SLC12A1: variants seen among roughly 807,000 people sequenced by gnomAD.
SLC12A1 encodes Na-K-2Cl cotransporter.
In SLC12A1, 89 loss-of-function variants were observed where a neutral mutation model predicts 130.4. The ratio of observed to expected loss-of-function variants is 0.68; its 90% CI spans 0.58 to 0.81. The LOEUF (loss-of-function observed/expected upper bound fraction) is 0.81, where lower values mean the gene tolerates loss of function less well. Ranked by LOEUF, SLC12A1 falls within the 40% of genes least tolerant of loss-of-function variation. The pLI is 0.00. For synonymous variants in SLC12A1, 499 were observed against 460.0 expected (o/e 1.08, Z -1.09); for missense variants, 1,310 against 1,336.4 (o/e 0.98, Z 0.31).
In SLC12A1 at chr15:48,303,047, C is replaced by CT; in HGVS notation, c.*170dup. On this transcript the variant is annotated 3_prime_UTR_variant, in exon 27 of 27. Transcript: ENST00000380993. ...CATAATTTTTATCAGTTAATGCGAG[C>CT]TTTTTTTTCTCTTCTCAGCTTAAGG... The CT allele has an allele frequency of 4.3e-5, 22 of 509,300 alleles. No homozygotes were observed. The highest frequency in any genetic ancestry group is 9.1e-5 in the South Asian group (2 of 21,998). The allele number at this position is 509,300 out of a possible 1,614,324, so 31.5% of individuals were successfully genotyped here.
intron 19 of SLC12A1, among the ~76,000 whole-genome samples, chr15:48,272,373 TA>T (rs2041907119): frequency 6.6e-6 from 1 of 152,212 alleles, no homozygotes; most frequent in South Asian, 2.1e-4. Flanking sequence ...TTTCTTTGAA[TA>T]AAAGATTTTA....
At chr15:48,276,618 G>A (rs983890335) in intron 20 of SLC12A1, among the ~76,000 whole-genome samples, 4 of 152,146 alleles carry the variant, frequency 2.6e-5, no homozygotes, top group African/African-American at 9.7e-5. Context: ...TGGACTTCCG[G>A]CCTCCAGAAT....
At chr15:48,231,881 T>C (rs987844165) in intron 7 of SLC12A1, among the ~76,000 whole-genome samples, 1 of 152,030 alleles carries the variant, frequency 6.6e-6, no homozygotes, top group Non-Finnish European at 1.5e-5. Context: ...CAGGGTGGCG[T>C]ATGCCTGTAA....
chr15:48,302,736 C>T lies in SLC12A1; in HGVS notation c.3165-14C>T. 1.3e-6 allele frequency: 2 copies of T among 1,570,246 alleles called. No homozygotes were observed. Among genetic ancestry groups the T allele is most frequent in the African/African-American group, 1.4e-5 (1 of 72,930 alleles). Reference sequence around the variant, plus strand: ...TTTCACTTTCATTTTTAAATTTTTCCTTCATGTCATTAGGAGCCTTCCCGT... The same window carrying T: ...TTTCACTTTCATTTTTAAATTTTTCTTTCATGTCATTAGGAGCCTTCCCGT... On this transcript the variant is annotated splice_polypyrimidine_tract_variant and intron_variant, in intron 26 of 26. Transcript: ENST00000380993.
chr15:48,207,766 G>C lies in SLC12A1; in HGVS notation c.47G>C (p.Ser16Thr). The change falls in exon 2 of 27, where the codon AGT (serine) becomes ACT (threonine). Residue 16 changes from serine (S) to threonine (T), a missense_variant. By Grantham distance (58) the Ser-to-Thr change is moderately conservative (BLOSUM62 1). Transcript: ENST00000380993. ...SSNVFLDSVP[S>T]NTNRFQVSVI... ...AATGTATTTCTGGATTCAGTGCCCA[G>C]TAATACCAATCGCTTTCAAGTTAGT... 1 of 1,611,488 alleles carries C rather than the reference G, an allele frequency of 6.2e-7. No individual in the cohort carries two copies. Among genetic ancestry groups the C allele is most frequent in the Non-Finnish European group, 8.5e-7 (1 of 1,178,728 alleles).
intron 7 of SLC12A1, among the ~76,000 whole-genome samples, 153 bp downstream of exon 7, chr15:48,230,656 CA>C (rs969383153): frequency 6.6e-6 from 1 of 152,232 alleles, no homozygotes; most frequent in African/African-American, 2.4e-5. Context: ...ACCAAGCCTG[CA>C]AAGCACGAAG....
chr15:48,259,183 C>CTT lies in SLC12A1; in HGVS notation c.2043-10_2043-9dup. 5.2e-6 allele frequency: 8 copies of CTT among 1,529,214 alleles called. No homozygotes were observed. Among genetic ancestry groups the CTT allele is most frequent in the African/African-American group, 1.4e-5 (1 of 73,220 alleles). The allele number at this position is 1,529,214 out of a possible 1,614,324, so 94.7% of individuals were successfully genotyped here. A position where few individuals can be genotyped will look rare whatever the true frequency, so the allele number is the denominator to read the frequency against. Reference sequence around the variant, plus strand: ...TTCTTGCAGGGGCTCATTTTCACATCTTTTTTTTACTTCCAGGCCCCAGTG... The same window carrying CTT: ...TTCTTGCAGGGGCTCATTTTCACATCTTTTTTTTTTACTTCCAGGCCCCAGTG... On this transcript the variant is annotated splice_polypyrimidine_tract_variant and intron_variant, in intron 16 of 26. Transcript: ENST00000380993.
At chr15:48,259,430 A>C in intron 17 of SLC12A1, 119 bp downstream of exon 17, 1 of 740,800 alleles carries the variant, frequency 1.3e-6, no homozygotes, top group Non-Finnish European at 2.4e-6. Context: ...AGTTTATAGG[A>C]GAGCCCTCTA....
intron 16 of SLC12A1, among the ~76,000 whole-genome samples, chr15:48,256,131 G>A (rs2041704654): frequency 6.6e-6 from 1 of 152,136 alleles, no homozygotes; most frequent in African/African-American, 2.4e-5. Flanking sequence ...GCCCCTCATA[G>A]TGCCAGGTGT....
At chr15:48,288,568 A>T in intron 23 of SLC12A1, 52 bp downstream of exon 23, 1 of 852,546 alleles carries the variant, frequency 1.2e-6, no homozygotes, top group South Asian at 1.5e-5. Context: ...TTGTTGCTTT[A>T]ATGCTTTAAT....
intron 2 of SLC12A1, 28 bp from the exon 3 acceptor site, chr15:48,220,606 C>G (rs1434842762): frequency 1.2e-6 from 2 of 1,602,738 alleles, no homozygotes; most frequent in East Asian, 4.5e-5. Context: ...TGACCAACTA[C>G]TGTGTTTTTG....
chr15:48,279,724 T>C (rs1018224839), intron 20 of SLC12A1, among the ~76,000 whole-genome samples: 2 of 152,230 alleles, frequency 1.3e-5, no homozygotes, highest in African/African-American at 2.4e-5. Context: ...AATAAAGTGA[T>C]GGAACATGAT....
chr15:48,274,431 C>T (rs969326400), intron 19 of SLC12A1, 140 bp from the exon 20 acceptor site: 1 of 647,944 alleles, frequency 1.5e-6, no homozygotes. Context: ...CAAACAAATG[C>T]ATCAGCTCTT....
intron 10 of SLC12A1, among the ~76,000 whole-genome samples, chr15:48,241,820 A>C (rs956294899): frequency 2.6e-5 from 4 of 152,204 alleles, no homozygotes; most frequent in African/African-American, 9.7e-5. Context: ...GAGTAAAGCT[A>C]ATCAGGTTGT....
At chr15:48,244,618 T>C in intron 10 of SLC12A1, 135 bp from the exon 11 acceptor site, 2 of 800,954 alleles carry the variant, frequency 2.5e-6, no homozygotes, top group Non-Finnish European at 3.9e-6. Context: ...AGCCTCCAGT[T>C]ATCAAGAACT....
At chr15:48,240,536 C>A (rs2041504322) in intron 9 of SLC12A1, among the ~76,000 whole-genome samples, 3 of 152,158 alleles carry the variant, frequency 2.0e-5, no homozygotes, top group African/African-American at 7.2e-5. Context: ...TTTCACTATG[C>A]ATGACCTTTT....
intron 24 of SLC12A1, among the ~76,000 whole-genome samples, chr15:48,295,436 G>A (rs890341107): frequency 2.6e-5 from 4 of 152,012 alleles, no homozygotes; most frequent in Non-Finnish European, 4.4e-5. Flanking sequence ...TCCTGTTGCT[G>A]AGGAGGCTGA....
intron 17 of SLC12A1, among the ~76,000 whole-genome samples, chr15:48,265,511 A>G (rs1169249580): frequency 6.6e-6 from 1 of 152,200 alleles, no homozygotes; most frequent in African/African-American, 2.4e-5. Flanking sequence ...AGAATGCTCA[A>G]AGAAGGACTA....
At chr15:48,221,323 C>T in intron 4 of SLC12A1, 1 of 701,658 alleles carries the variant, frequency 1.4e-6, no homozygotes. Flanking sequence ...TGACATTTGC[C>T]TCTCATTTGT....
Sources: gnomAD v4.1 joint callset for allele counts (sites outside exome capture counted in the v4.1 genomes callset) on GRCh38, gnomAD v4.1.1 for gene constraint, MANE v1.5 for transcripts, NCBI Gene and HGNC (gene_info 2026-07-23, HGNC 2026-07-21) for gene names.